Variants in LSR observed in about 807,000 individuals in gnomAD.
LSR encodes lipolysis stimulated lipoprotein receptor.
LSR carries 44 observed loss-of-function variants against 61.8 expected under a neutral mutation model. That is an observed-to-expected ratio of 0.71 (90% CI 0.56 to 0.91). The LOEUF (loss-of-function observed/expected upper bound fraction) is 0.91, where lower values mean the gene tolerates loss of function less well. LSR is among the 40% of genes least tolerant of loss of function. The probability of loss-of-function intolerance (pLI) is 0.00; values close to 1 mark genes in which losing one functional copy is unlikely to be tolerated. For missense variants in LSR, 911 were observed against 830.5 expected (o/e 1.10, Z -1.19); for synonymous variants, 397 against 350.6 (o/e 1.13, Z -1.48).
At chr19:35,258,167 G>T (rs2065878316) in intron 2 of LSR, among the ~76,000 whole-genome samples, 1 of 152,142 alleles carries the variant, frequency 6.6e-6, no homozygotes. Context: ...CAGACTGCTG[G>T]GTGTGGTGGT....
Position 35,250,451 on chromosome 19 carries a change from T to C in LSR, c.246T>C (p.Ser82=), listed in dbSNP as rs1485222189. The stretch of plus-strand genomic sequence containing the variant: ...CCATCGTCATCTGGAAGTACAAGTC[T>C]TTCTGCCGGGACCGCATCGCCGATG... ...TQPIVIWKYK[S]FCRDRIADAF... is the part of the protein sequence containing the mutation. The change falls in exon 2 of 10, where the codon TCT becomes TCC. Residue 82 remains serine, a synonymous_variant. Coordinates refer to ENST00000605618, the MANE Select transcript of LSR (RefSeq NM_205834.4). 6.2e-7 allele frequency: 1 copy of C among 1,613,866 alleles called. No homozygotes were observed. Among genetic ancestry groups the C allele is most frequent in the African/African-American group, 1.3e-5 (1 of 74,884 alleles).
At chr19:35,250,699 C>G (rs757615626) in intron 2 of LSR, 40 bp downstream of exon 2, 1 of 1,462,352 alleles carries the variant, frequency 6.8e-7, no homozygotes, top group Non-Finnish European at 9.1e-7. Flanking sequence ...TGGGCTTGCC[C>G]GGGTGGTGGG....
At chr19:35,258,884 C>T (rs1296887860) in intron 2 of LSR, 61 bp from the exon 3 acceptor site, 1 of 1,609,066 alleles carries the variant, frequency 6.2e-7, no homozygotes. Flanking sequence ...GGTCTTTGGC[C>T]CTCCAGGGGT....
rs1044349389 is a variant in LSR at position 35,250,252 on chromosome 19, G to C, written c.110-63G>C. 9.9e-5 allele frequency: 110 copies of C among 1,116,652 alleles called. 1 individual carries two copies. The Admixed American group carries it at 2.6e-3, about 26-fold the overall frequency. 69.2% of individuals were successfully genotyped at this position (1,116,652 alleles called of 1,614,324 possible). On this transcript the variant is annotated intron_variant, in intron 1 of 9. Coordinates refer to ENST00000605618, the MANE Select transcript of LSR (RefSeq NM_205834.4). ...GAGTGTCAAGCTGGTGACAGGTGGC[G>C]TTCCTGTTGAAGCACCTCCCTGAGC...
intron 3 of LSR, 46 bp downstream of exon 3, chr19:35,259,110 G>A (rs779257542): frequency 1.0e-5 from 16 of 1,590,354 alleles, no homozygotes; most frequent in Admixed American, 3.4e-5. Context: ...CCTTTTGTCC[G>A]CTTCTGTTCT....
In LSR at chr19:35,266,932, C is replaced by A; in HGVS notation, c.1109C>A (p.Ser370Tyr). 1 of 1,613,814 alleles carries A rather than the reference C, an allele frequency of 6.2e-7. No individual in the cohort carries two copies. The highest frequency in any genetic ancestry group is 8.5e-7 in the Non-Finnish European group (1 of 1,179,894). Residue 370 changes from serine (S) to tyrosine (Y), a missense_variant, in exon 8 of 10, where the codon TCT becomes TAT. Physicochemically the swap from Ser to Tyr is moderately radical, Grantham distance 144 (BLOSUM62 -2). Transcript: ENST00000605618. Reference protein sequence around the residue: ...MEKELANFDPSRPGPPSGRVE... With the variant: ...MEKELANFDPYRPGPPSGRVE... ...AAGGAGCTGGCCAACTTCGACCCTT[C>A]TCGACCTGGCCCCCCCAGTGGCCGT...
At position 35,262,276 on chromosome 19, in the gene LSR, T is replaced by TC. The variant is rs138618237; in HGVS notation, c.632-269dup. Among the ~76,000 whole-genome samples the TC allele has an allele frequency of 7.2e-3, 1,092 of 152,222 alleles. 7 individuals carry two copies. Among genetic ancestry groups the TC allele is most frequent in the Non-Finnish European group, 0.012 (797 of 67,986 alleles). On this transcript the variant is annotated intron_variant, in intron 4 of 9. Coordinates refer to ENST00000605618, the MANE Select transcript of LSR (RefSeq NM_205834.4). ...TCTTTGGTCTGGGGGCTGCAGTCTG[T>TC]CTCCCTCTGTGCAGGCTGCCTCGTT...
intron 9 of LSR, 43 bp downstream of exon 9, chr19:35,267,777 C>G (rs745555009): frequency 6.2e-7 from 1 of 1,613,764 alleles, no homozygotes; most frequent in Non-Finnish European, 8.5e-7. Flanking sequence ...CCCTGGGCCC[C>G]CAGCCGGTCC....
intron 5 of LSR, chr19:35,262,927 C>T (rs2065949662): frequency 3.7e-6 from 2 of 538,640 alleles, no homozygotes; most frequent in Non-Finnish European, 6.5e-6. Flanking sequence ...AATCCATACA[C>T]ATGGTAAAAA....
In LSR at chr19:35,266,358, G is replaced by A; in HGVS notation, c.779-1G>A. 6.3e-7 allele frequency: 1 copy of A among 1,577,456 alleles called. No individual in the cohort carries two copies. Among genetic ancestry groups the A allele is most frequent in the Non-Finnish European group, 8.6e-7 (1 of 1,161,036 alleles). On this transcript the variant is annotated splice_acceptor_variant, in intron 5 of 9. Coordinates refer to ENST00000605618, the MANE Select transcript of LSR (RefSeq NM_205834.4). LOFTEE classifies it high-confidence loss of function. ...TTCTCCTGTTGATTGTGTCCTCACA[G>A]TGTATGCCGCCGGCAAAGCAGCCAC... is the stretch of plus-strand genomic sequence containing the variant.
chr19:35,260,552 C>G (rs1343822416), intron 3 of LSR, among the ~76,000 whole-genome samples: 1 of 151,950 alleles, frequency 6.6e-6, no homozygotes, highest in Non-Finnish European at 1.5e-5. Flanking sequence ...CTGGGCCTCC[C>G]AAAGTGCTGG....
Position 35,266,731 on chromosome 19 carries a change from G to A in LSR, c.1005G>A (p.Val335=). ...TGCTTCGGGACACGGACAGCAGTGTGGCCTCTGGTGAGAATCCATCGTCCC... is the reference window on the plus strand; with the variant it reads ...TGCTTCGGGACACGGACAGCAGTGTAGCCTCTGGTGAGAATCCATCGTCCC... ...VPLLRDTDSS[V]ASEVRSGYRI... The change falls in exon 7 of 10, where the codon GTG becomes GTA. Residue 335 remains valine, a synonymous_variant. Coordinates refer to ENST00000605618, the MANE Select transcript of LSR (RefSeq NM_205834.4). 6.2e-7 allele frequency: 1 copy of A among 1,608,936 alleles called. No individual in the cohort carries two copies. The highest frequency in any genetic ancestry group is 8.5e-7 in the Non-Finnish European group (1 of 1,177,962).
At chr19:35,249,155 G>T in intron 1 of LSR, 24 bp downstream of exon 1, 2 of 1,516,938 alleles carry the variant, frequency 1.3e-6, no homozygotes, top group Non-Finnish European at 1.8e-6. Flanking sequence ...GGCCTCTGAC[G>T]CTGCGGAACG....
Position 35,266,959 on chromosome 19 carries a change from T to G in LSR, c.1136T>G (p.Val379Gly), listed in dbSNP as rs139438345. The G allele has an allele frequency of 1.2e-5, 19 of 1,612,050 alleles. No homozygotes were observed. In the African/African-American group the frequency reaches 1.3e-4, roughly 11 times the overall value. The change falls in exon 8 of 10, where the codon GTG becomes GGG. Residue 379 changes from valine (V) to glycine (G), a missense_variant. Val to Gly is a moderately radical substitution (Grantham distance 109, BLOSUM62 -3). Transcript: ENST00000605618. ...CGACCTGGCCCCCCCAGTGGCCGTGTGGAGCGGGGTAAGCAGGAGCCTTGG... is the reference window on the plus strand; with the variant it reads ...CGACCTGGCCCCCCCAGTGGCCGTGGGGAGCGGGGTAAGCAGGAGCCTTGG... The part of the protein sequence containing the change: ...PSRPGPPSGR[V>G]ERAMSEVTSL...
chr19:35,259,106 G>A (rs2065892643), intron 3 of LSR, 42 bp downstream of exon 3: 3 of 1,595,106 alleles, frequency 1.9e-6, no homozygotes, highest in African/African-American at 2.7e-5. Context: ...CCTTCCTTTT[G>A]TCCGCTTCTG....
intron 5 of LSR, chr19:35,264,095 G>C (rs1368545736): frequency 6.6e-6 from 1 of 152,200 alleles, no homozygotes; most frequent in Non-Finnish European, 1.5e-5. Flanking sequence ...TAGGACTACA[G>C]GTGTGAGCCA....
In LSR at chr19:35,262,555, T is replaced by C. The variant is rs753595837; in HGVS notation, c.641T>C (p.Phe214Ser). ...FQAGPIEDWL[F>S]VVVVCLAAFL... ...TGTTGTCTTTCTGCAGACTGGCTCT[T>C]CGTGGTTGTGGTATGCCTGGCTGCC... is the stretch of plus-strand genomic sequence containing the variant. Residue 214 changes from phenylalanine to serine, a missense_variant, in exon 5 of 10, where the codon TTC (phenylalanine) becomes TCC (serine). Physicochemically the swap from Phe to Ser is radical, Grantham distance 155 (BLOSUM62 -2). Coordinates refer to ENST00000605618, the MANE Select transcript of LSR (RefSeq NM_205834.4). 3 of 1,614,206 alleles carry C rather than the reference T, an allele frequency of 1.9e-6. No homozygotes were observed. In the Admixed American group the frequency reaches 5.0e-5, roughly 27 times the overall value.
In LSR at chr19:35,267,151, C is replaced by T. The variant is rs531278587; in HGVS notation, c.1187C>T (p.Ser396Phe). The T allele has an allele frequency of 6.5e-7, 1 of 1,529,784 alleles. No homozygotes were observed. Among genetic ancestry groups the T allele is most frequent in the Non-Finnish European group, 8.7e-7 (1 of 1,143,020 alleles). 94.8% of individuals were successfully genotyped at this position (1,529,784 alleles called of 1,614,324 possible). ...TCCCTCCACGAGGACGACTGGCGAT[C>T]TCGGCCTTCCCGGGGCCCTGCCCTC... The part of the protein sequence containing the change: ...VTSLHEDDWR[S>F]RPSRGPALTP... The change falls in exon 9 of 10, where the codon TCT becomes TTT. Residue 396 changes from serine (S) to phenylalanine (F), a missense_variant. By Grantham distance (155) the Ser-to-Phe change is radical. Coordinates refer to ENST00000605618, the MANE Select transcript of LSR (RefSeq NM_205834.4).
In LSR at chr19:35,258,937, C is replaced by T. The variant is rs371523401; in HGVS notation, c.455-8C>T. 219 of 1,613,604 alleles carry T rather than the reference C, an allele frequency of 1.4e-4. No individual in the cohort carries two copies. In the African/African-American group the frequency reaches 2.5e-3, roughly 19 times the overall value. ...AAGGTGCCCTCACGCCTTTTCATCC[C>T]GACTCAGATGCTGACCTGACCTTTG... On this transcript the variant is annotated splice_region_variant and splice_polypyrimidine_tract_variant and intron_variant, in intron 2 of 9. Transcript: ENST00000605618.
Sources: allele counts gnomAD v4.1 joint callset (sites outside exome capture counted in the v4.1 genomes callset), GRCh38; gene constraint gnomAD v4.1.1; transcripts MANE v1.5; gene names NCBI Gene and HGNC (gene_info 2026-07-23, HGNC 2026-07-21).